The following NEBL variants were observed in gnomAD, a reference collection of about 807,000 sequenced individuals.
NEBL encodes the protein LIM and SH3 protein 2.
NEBL carries 122 observed loss-of-function variants against 140.2 expected under a neutral mutation model. The ratio of observed to expected loss-of-function variants is 0.87; its 90% CI spans 0.75 to 1.01. The LOEUF is 1.01. Among genes scored for constraint, NEBL ranks in the 50% least tolerant of loss-of-function variants. NEBL has a pLI of 0.00. For missense variants in NEBL, 1,365 were observed against 1,231.3 expected (o/e 1.11, Z -1.62); for synonymous variants, 436 against 398.9 (o/e 1.09, Z -1.11).
intron 2 of NEBL, among the ~76,000 whole-genome samples, chr10:21,161,954 A>G (rs985971492): frequency 1.3e-5 from 2 of 152,222 alleles, no homozygotes; most frequent in Non-Finnish European, 2.9e-5. Context: ...GGCTCAGTGC[A>G]CCAGAAAAAC....
intron 5 of NEBL, among the ~76,000 whole-genome samples, chr10:20,872,514 C>T (rs886437742): frequency 1.3e-5 from 2 of 152,256 alleles, no homozygotes; most frequent in Admixed American, 6.5e-5. Flanking sequence ...GATTCCTACA[C>T]GTAACCCATT....
intron 2 of NEBL, among the ~76,000 whole-genome samples, chr10:21,169,057 AAAAAAAAAAAAT>A (rs1419064982): frequency 2.3e-5 from 1 of 43,656 alleles, no homozygotes; most frequent in African/African-American, 7.9e-5. Flanking sequence ...TACAAAAAAA[AAAAAAAAAAAAT>A]ATATATATAT....
At chr10:20,927,999 G>A (rs570325815) in intron 4 of NEBL, among the ~76,000 whole-genome samples, 10 of 152,066 alleles carry the variant, frequency 6.6e-5, no homozygotes, top group Non-Finnish European at 1.2e-4. Context: ...TTAATCTAAC[G>A]AAATGAACTT....
chr10:21,187,976 T>C (rs781632433), intron 3 of NEBL, among the ~76,000 whole-genome samples: 13 of 152,196 alleles, frequency 8.5e-5, no homozygotes, highest in Non-Finnish European at 1.6e-4. Context: ...GCTGTAAAAC[T>C]AGGCCCCTCT....
intron 2 of NEBL, among the ~76,000 whole-genome samples, chr10:21,251,467 A>C (rs1191712719): frequency 1.3e-5 from 2 of 152,196 alleles, no homozygotes; most frequent in South Asian, 4.1e-4. Context: ...GCTATGTAGT[A>C]GGTTGAATGG....
Position 21,271,621 on chromosome 10 carries a change from G to A in NEBL, n.183-19793C>T, listed in dbSNP as rs894652808. On this transcript the variant is annotated intron_variant and non_coding_transcript_variant, in intron 1 of 8. Coordinates refer to the NEBL transcript ENST00000675702. ...GCTCACTGCAACCTCCACCTCCCAGGTTCAAGCGATTCTCCTGCCTCAACC... is the reference window on the plus strand; with the variant it reads ...GCTCACTGCAACCTCCACCTCCCAGATTCAAGCGATTCTCCTGCCTCAACC... Among the ~76,000 whole-genome samples, 10 of 151,522 alleles carry A rather than the reference G, an allele frequency of 6.6e-5. No individual in the cohort carries two copies. In the South Asian group the frequency reaches 2.1e-3, roughly 32 times the overall value.
rs1029339972 is a variant in NEBL at position 20,911,015 on chromosome 10, C to G, written c.357+50657G>C. Among the ~76,000 whole-genome samples the G allele has an allele frequency of 2.6e-5, 4 of 151,670 alleles. No homozygotes were observed. In the East Asian group the frequency reaches 7.8e-4, roughly 30 times the overall value. ...AGACCCTGTCTCTAAAATAGAAAAA[C>G]TAACTGGCTGTAGTGTTGTGAGCTT... On this transcript the variant is annotated intron_variant, in intron 4 of 6. Coordinates refer to the NEBL transcript ENST00000417816.
intron 3 of NEBL, among the ~76,000 whole-genome samples, chr10:21,198,064 T>G (rs1480516831): frequency 6.6e-6 from 1 of 151,862 alleles, no homozygotes; most frequent in Non-Finnish European, 1.5e-5. Flanking sequence ...TGTTGGTAAA[T>G]TACACAGCAA....
chr10:20,890,235 C>T (rs1846916333), intron 2 of NEBL, among the ~76,000 whole-genome samples: 1 of 152,170 alleles, frequency 6.6e-6, no homozygotes, highest in South Asian at 2.1e-4. Flanking sequence ...CCAGCCAGCC[C>T]AGTGCAATTA....
At chr10:20,912,283 T>C (rs1848361064) in intron 4 of NEBL, among the ~76,000 whole-genome samples, 1 of 152,200 alleles carries the variant, frequency 6.6e-6, no homozygotes, top group African/African-American at 2.4e-5. Context: ...GGCATTGCTA[T>C]GTTTGAAATA....
chr10:21,025,694 G>A (rs1589148182), intron 2 of NEBL, among the ~76,000 whole-genome samples: 1 of 152,218 alleles, frequency 6.6e-6, no homozygotes, highest in Admixed American at 6.5e-5. Context: ...AGGAGCACAG[G>A]AGTCAAAGTG....
chr10:21,049,981 G>C (rs545819990), intron 2 of NEBL, among the ~76,000 whole-genome samples: 2 of 152,310 alleles, frequency 1.3e-5, no homozygotes, highest in East Asian at 3.9e-4. Context: ...GGAAACCAAA[G>C]TGAACATGAA....
intron 1 of NEBL, among the ~76,000 whole-genome samples, chr10:21,272,437 G>T (rs1842871863): frequency 6.6e-6 from 1 of 151,800 alleles, no homozygotes; most frequent in African/African-American, 2.4e-5. Context: ...AAAAATTTTT[G>T]AATTAGCCAG....
chr10:21,029,313 T>C (rs1197047467), intron 2 of NEBL: 48 of 1,609,930 alleles, frequency 3.0e-5, no homozygotes, highest in Admixed American at 5.0e-5. Context: ...ACCTATCCTA[T>C]GATGTGACAG....
At chr10:21,118,455 T>C (rs1277532065) in intron 2 of NEBL, among the ~76,000 whole-genome samples, 1 of 152,174 alleles carries the variant, frequency 6.6e-6, no homozygotes, top group Non-Finnish European at 1.5e-5. Context: ...ATTGAAATTA[T>C]CACAAGATAA....
chr10:20,811,409 T>C lies in NEBL; in HGVS notation c.2518+1360A>G, dbSNP rs111309876. Among the ~76,000 whole-genome samples the C allele has an allele frequency of 7.8e-3, 1,186 of 152,304 alleles. 16 individuals are homozygous for C. The highest frequency in any genetic ancestry group is 0.027 in the African/African-American group (1,125 of 41,556). ...GTGAGATAAATCAGAACCCCTGCAC[T>C]ATCCCTTAAGATAGTTCCATCCCTT... is the stretch of plus-strand genomic sequence containing the variant. On this transcript the variant is annotated intron_variant, in intron 24 of 27. Coordinates refer to ENST00000377122, the MANE Select transcript of NEBL (RefSeq NM_006393.3).
At chr10:20,995,269 TAA>T (rs1012595453) in intron 3 of NEBL, among the ~76,000 whole-genome samples, 2 of 152,076 alleles carry the variant, frequency 1.3e-5, no homozygotes, top group Non-Finnish European at 2.9e-5. Flanking sequence ...GCAGACATCA[TAA>T]AAAAATGATG....
rs920727373 is a variant in NEBL, at chr10:21,094,692, A to T, written c.165-74491T>A. Among the ~76,000 whole-genome samples, 3 of 152,270 alleles carry T rather than the reference A, an allele frequency of 2.0e-5. No homozygotes were observed. In the East Asian group the frequency reaches 5.8e-4, roughly 29 times the overall value. The stretch of plus-strand genomic sequence containing the variant: ...TGGAAGAAACAAAAAAGGCTAAAGA[A>T]GACCAGAAGTCTGCTCCTTTGTAAA... On this transcript the variant is annotated intron_variant, in intron 2 of 6. Coordinates refer to the NEBL transcript ENST00000417816.
At chr10:21,282,205 T>G (rs982776161) in intron 1 of NEBL, among the ~76,000 whole-genome samples, 2 of 152,134 alleles carry the variant, frequency 1.3e-5, no homozygotes, top group African/African-American at 4.8e-5. Flanking sequence ...AATATGTAGA[T>G]TTAGGAGCCT....
Sources: gnomAD v4.1 joint callset for allele counts (sites outside exome capture counted in the v4.1 genomes callset) on GRCh38, gnomAD v4.1.1 for gene constraint, MANE v1.5 for transcripts, NCBI Gene and HGNC (gene_info 2026-07-23, HGNC 2026-07-21) for gene names.